The following TSR2 variants were observed in gnomAD, a reference collection of about 807,000 sequenced individuals.
The protein encoded by TSR2 is TSR2 ribosome maturation factor, also known as pre-rRNA-processing protein TSR2 homolog.
Under a neutral mutation model 13.3 loss-of-function variants are expected in TSR2, and 1 was observed. The ratio of observed to expected loss-of-function variants is 0.08; its 90% CI spans 0.03 to 0.36. TSR2 has a LOEUF of 0.36. Ranked by LOEUF, TSR2 falls within the 10% of genes least tolerant of loss-of-function variation. The pLI, the probability that TSR2 is intolerant of heterozygous loss-of-function variation, is 0.99. For synonymous variants in TSR2, 60 were observed against 57.7 expected (o/e 1.04, Z -0.18); for missense variants, 120 against 151.1 (o/e 0.79, Z 1.08).
At chrX:54,441,735 G>A (rs747816105) in intron 2 of TSR2, among the ~76,000 whole-genome samples, 1 of 111,227 alleles carries the variant, frequency 9.0e-6, no homozygotes, top group Non-Finnish European at 1.9e-5. Context: ...GCGTGTGTGC[G>A]TGGGGGGTGG....
chrX:54,445,802 A>T lies in TSR2; in HGVS notation c.*1252A>T, dbSNP rs1285781685. The T allele has an allele frequency of 1.2e-5, 3 of 249,072 alleles. No individual in the cohort carries two copies. The highest frequency in any genetic ancestry group is 6.9e-5 in the Admixed American group (1 of 14,497). The allele number at this position is 249,072 out of a possible 1,213,427, so 20.5% of individuals were successfully genotyped here. A position where few individuals can be genotyped will look rare whatever the true frequency, so the allele number is the denominator to read the frequency against. ...TTGTGGGGAACTGGGTGGAGGCAGGATCTGTGGTAGGGTATTGAGGGATGA... is the reference window on the plus strand; with the variant it reads ...TTGTGGGGAACTGGGTGGAGGCAGGTTCTGTGGTAGGGTATTGAGGGATGA... On this transcript the variant is annotated 3_prime_UTR_variant, in exon 5 of 5. Coordinates refer to ENST00000375151, the MANE Select transcript of TSR2 (RefSeq NM_058163.3).
chrX:54,440,818 G>GGGTGTGGA (rs778149283), intron 2 of TSR2, 38 bp downstream of exon 2: 1 of 1,087,298 alleles, frequency 9.2e-7, no homozygotes, highest in East Asian at 3.2e-5. Context: ...GCCTGTGTGG[G>GGGTGTGGA]GGTGTGGAGA....
chrX:54,440,898 T>G (rs1442701796), intron 2 of TSR2, 118 bp downstream of exon 2: 1 of 507,427 alleles, frequency 2.0e-6, no homozygotes, highest in Non-Finnish European at 3.1e-6. Context: ...AAAGGTGAGG[T>G]GGAATGAATT....
Position 54,446,046 on chromosome X carries a change from G to A in TSR2, c.*1496G>A. 1 of 932,836 alleles carries A rather than the reference G, an allele frequency of 1.1e-6. No individual in the cohort carries two copies. The highest frequency in any genetic ancestry group is 3.1e-5 in the East Asian group (1 of 32,066). 76.9% of individuals were successfully genotyped at this position (932,836 alleles called of 1,213,427 possible). A position where few individuals can be genotyped will look rare whatever the true frequency, so the allele number is the denominator to read the frequency against. ...CTGAGCTGGGAGGGAAGGGGCTAGA[G>A]CCCCCAATCAGACATGGGCAACTAG... is the stretch of plus-strand genomic sequence containing the variant. On this transcript the variant is annotated 3_prime_UTR_variant, in exon 5 of 5. Coordinates refer to ENST00000375151, the MANE Select transcript of TSR2 (RefSeq NM_058163.3).
intron 1 of TSR2, 62 bp from the exon 2 acceptor site, chrX:54,440,628 C>T (rs1272685861): frequency 4.3e-6 from 5 of 1,154,936 alleles, no homozygotes; most frequent in Non-Finnish European, 5.9e-6. Context: ...GCGTAAGCGG[C>T]CTCCAGGCTA....
chrX:54,446,107 C>G lies in TSR2; in HGVS notation c.*1557C>G. The G allele has an allele frequency of 8.3e-7, 1 of 1,206,491 alleles. No homozygotes were observed. ...GGGGGCTCCCAGTTTGTCCCAAACC[C>G]TCTAGGTCTTGTCTCGGGTCTGGGG... On this transcript the variant is annotated 3_prime_UTR_variant, in exon 5 of 5. Coordinates refer to ENST00000375151, the MANE Select transcript of TSR2 (RefSeq NM_058163.3).
At position 54,444,481 on chromosome X, in the gene TSR2, A is replaced by G. The variant is rs1370514349; in HGVS notation, c.507A>G (p.Pro169=). 2.5e-6 allele frequency: 3 copies of G among 1,208,209 alleles called. No homozygotes were observed. The highest frequency in any genetic ancestry group is 4.4e-5 in the Admixed American group (2 of 45,692). The part of the protein sequence containing the change: ...GVCPQPEPSD[P]DAQTIKEEDI... ...GCCCCCAGCCTGAACCCTCTGATCC[A>G]GACGCTCAGACTATTAAGGAAGAGG... The change falls in exon 5 of 5, where the codon CCA becomes CCG. Residue 169 remains proline (P), a synonymous_variant. Coordinates refer to ENST00000375151, the MANE Select transcript of TSR2 (RefSeq NM_058163.3).
At position 54,446,721 on chromosome X, in the gene TSR2, CTTTT is replaced by C. The variant is rs1226487472; in HGVS notation, c.*2188_*2191del. ...CTATGCTATTGCCCCTATCTGCATACTTTTTTTTTTTTTTTTTTTTGAGACAGAG... is the reference window on the plus strand; with the variant it reads ...CTATGCTATTGCCCCTATCTGCATACTTTTTTTTTTTTTTTTGAGACAGAG... On this transcript the variant is annotated 3_prime_UTR_variant, in exon 5 of 5. Coordinates refer to ENST00000375151, the MANE Select transcript of TSR2 (RefSeq NM_058163.3). Among the ~76,000 whole-genome samples, 3 of 87,668 alleles carry C rather than the reference CTTTT, an allele frequency of 3.4e-5. No individual in the cohort carries two copies. Among genetic ancestry groups the C allele is most frequent in the Middle Eastern group, 5.2e-3 (1 of 192 alleles). The allele number at this position is 87,668 out of a possible 115,157, so 76.1% of individuals were successfully genotyped here.
In TSR2 at chrX:54,446,758, C is replaced by T. The variant is rs1207684831; in HGVS notation, c.*2208C>T. ...TTTTTTTTTGAGACAGAGTCTTGCC[C>T]TGTTGCCCAGGCTGGAGTGCAGTGG... On this transcript the variant is annotated 3_prime_UTR_variant, in exon 5 of 5. Coordinates refer to ENST00000375151, the MANE Select transcript of TSR2 (RefSeq NM_058163.3). 9.7e-6 allele frequency among the ~76,000 whole-genome samples: 1 copy of T among 103,351 alleles called. No homozygotes were observed. Among genetic ancestry groups the T allele is most frequent in the African/African-American group, 3.6e-5 (1 of 27,820 alleles). The allele number at this position is 103,351 out of a possible 115,157, so 89.7% of individuals were successfully genotyped here.
At position 54,440,773 on chromosome X, in the gene TSR2, G is replaced by A. The variant is rs763460390; in HGVS notation, c.165G>A (p.Met55Ile). The change falls in exon 2 of 5, where the codon ATG becomes ATA. Residue 55 changes from methionine to isoleucine, a missense_variant. Met to Ile is a conservative substitution (Grantham distance 10, BLOSUM62 1). This residue lies in a region of TSR2 where 53 missense variants were observed against 52.3 expected (regional missense o/e 1.01). Coordinates refer to ENST00000375151, the MANE Select transcript of TSR2 (RefSeq NM_058163.3). ...GGGGTGCAGTGGAGGATTACTTCAT[G>A]CGCAATGGTGAGTGAATGTGAGGCG... Reference protein sequence around the residue: ...WLGGAVEDYFMRNADLELDEV... With the variant: ...WLGGAVEDYFIRNADLELDEV... 4 of 1,189,726 alleles carry A rather than the reference G, an allele frequency of 3.4e-6. No homozygotes were observed. The highest frequency in any genetic ancestry group is 3.0e-5 in the East Asian group (1 of 33,006).
chrX:54,443,867 C>G, intron 3 of TSR2, 141 bp from the exon 4 acceptor site: 1 of 898,777 alleles, frequency 1.1e-6, no homozygotes, highest in Non-Finnish European at 1.5e-6. Context: ...GTGGTTGCTT[C>G]ATTGGTTAAT....
At position 54,447,472 on chromosome X, in the gene TSR2, G is replaced by A. The variant is rs552289674; in HGVS notation, c.*2922G>A. ...GCCTGTTTCTGTGGCCAGAGACACCGGGCATCAATGTTGACAGAAGGCCTA... is the reference window on the plus strand; with the variant it reads ...GCCTGTTTCTGTGGCCAGAGACACCAGGCATCAATGTTGACAGAAGGCCTA... On this transcript the variant is annotated 3_prime_UTR_variant, in exon 5 of 5. Transcript: ENST00000375151. The A allele has an allele frequency of 1.0e-5, 12 of 1,205,330 alleles. No individual in the cohort carries two copies. The highest frequency in any genetic ancestry group is 1.3e-5 in the Non-Finnish European group (12 of 891,738).
chrX:54,440,653 C>T (rs751678370), intron 1 of TSR2, 37 bp from the exon 2 acceptor site: 6 of 1,193,927 alleles, frequency 5.0e-6, no homozygotes, highest in Non-Finnish European at 6.8e-6. Context: ...AGGTCTGCTC[C>T]CAAGCTGACT....
chrX:54,445,983 G>T lies in TSR2; in HGVS notation c.*1433G>T. On this transcript the variant is annotated 3_prime_UTR_variant, in exon 5 of 5. Coordinates refer to ENST00000375151, the MANE Select transcript of TSR2 (RefSeq NM_058163.3). Reference sequence around the variant, plus strand: ...TTAAAAAACCCAAGACCCAGCATTCGGGATTGAAAGTGCCCGTGATGGGAG... The same window carrying T: ...TTAAAAAACCCAAGACCCAGCATTCTGGATTGAAAGTGCCCGTGATGGGAG... The T allele has an allele frequency of 2.0e-6, 1 of 495,296 alleles. No individual in the cohort carries two copies. Among genetic ancestry groups the T allele is most frequent in the Non-Finnish European group, 3.4e-6 (1 of 296,105 alleles). 40.8% of individuals were successfully genotyped at this position (495,296 alleles called of 1,213,427 possible).
rs1231614096 is a variant in TSR2, at chrX:54,445,271, C to A, written c.*721C>A. 9.0e-6 allele frequency: 1 copy of A among 110,535 alleles called. No individual in the cohort carries two copies. The highest frequency in any genetic ancestry group is 1.9e-5 in the Non-Finnish European group (1 of 52,889). 9.1% of individuals were successfully genotyped at this position (110,535 alleles called of 1,213,427 possible). A position where few individuals can be genotyped will look rare whatever the true frequency, so the allele number is the denominator to read the frequency against. ...TGAGTTCAGGGGTGAGGCTTAAGAT[C>A]TTAATAAATAATACCTTACTGCTTA... On this transcript the variant is annotated 3_prime_UTR_variant, in exon 5 of 5. Transcript: ENST00000375151.
rs1008003305 is a variant in TSR2, at chrX:54,440,765, T to C, written c.157T>C (p.Tyr53His). 8.3e-7 allele frequency: 1 copy of C among 1,199,217 alleles called. No individual in the cohort carries two copies. Among genetic ancestry groups the C allele is most frequent in the Non-Finnish European group, 1.1e-6 (1 of 889,227 alleles). Residue 53 changes from tyrosine to histidine, a missense_variant, in exon 2 of 5, where the codon TAC (tyrosine) becomes CAC (histidine). Physicochemically the swap from Tyr to His is moderately conservative, Grantham distance 83. Transcript: ENST00000375151. ...GTGGCTGGGGGGTGCAGTGGAGGAT[T>C]ACTTCATGCGCAATGGTGAGTGAAT... ...AKWLGGAVED[Y>H]FMRNADLELD...
At chrX:54,443,196 T>C (rs1309970349) in intron 2 of TSR2, among the ~76,000 whole-genome samples, 1 of 111,747 alleles carries the variant, frequency 8.9e-6, no homozygotes, top group Non-Finnish European at 1.9e-5. Flanking sequence ...AAAGGCAGGA[T>C]GGAAGAGATT....
At chrX:54,442,408 G>A (rs758380075) in intron 2 of TSR2, among the ~76,000 whole-genome samples, 1 of 111,662 alleles carries the variant, frequency 9.0e-6, no homozygotes, top group South Asian at 3.8e-4. Context: ...AACCCTGGAG[G>A]ATGCGAAGCA....
intron 1 of TSR2, 63 bp from the exon 2 acceptor site, chrX:54,440,627 G>T: frequency 8.7e-7 from 1 of 1,154,561 alleles, no homozygotes; most frequent in Non-Finnish European, 1.2e-6. Context: ...GGCGTAAGCG[G>T]CCTCCAGGCT....
Sources: allele counts gnomAD v4.1 joint callset (sites outside exome capture counted in the v4.1 genomes callset), GRCh38; gene constraint gnomAD v4.1.1; regional missense constraint gnomAD v4.1.1; transcripts MANE v1.5; gene names NCBI Gene and HGNC (gene_info 2026-07-23, HGNC 2026-07-21).